Variants in CTNNA2 observed in about 807,000 individuals in gnomAD.
The protein encoded by CTNNA2 is catenin alpha-2.
Under a neutral mutation model 101.0 loss-of-function variants are expected in CTNNA2, and 42 were observed. The observed-to-expected ratio is 0.42, with a 90% CI of 0.32 to 0.54. The LOEUF (loss-of-function observed/expected upper bound fraction) is 0.54. Among genes scored for constraint, CTNNA2 ranks in the 20% least tolerant of loss-of-function variants. The probability of loss-of-function intolerance (pLI) is 0.14; values close to 1 mark genes in which losing one functional copy is unlikely to be tolerated. For synonymous variants in CTNNA2, 450 were observed against 456.4 expected (o/e 0.99, Z 0.18); for missense variants, 871 against 1,223.1 (o/e 0.71, Z 4.29).
At chr2:80,013,339 G>A (rs1392069104) in intron 7 of CTNNA2, among the ~76,000 whole-genome samples, 1 of 151,958 alleles carries the variant, frequency 6.6e-6, no homozygotes, top group Non-Finnish European at 1.5e-5. Context: ...ATTCAAAACA[G>A]GAATATAACA....
intron 12 of CTNNA2, among the ~76,000 whole-genome samples, chr2:80,568,566 C>CGT (rs36104924): frequency 0.022 from 3,287 of 149,396 alleles, 43 homozygotes; most frequent in South Asian, 0.053. Flanking sequence ...TAATGGTGTG[C>CGT]GTGTGTGTGT....
chr2:80,407,624 C>T (rs1318071751), intron 8 of CTNNA2, among the ~76,000 whole-genome samples: 2 of 152,212 alleles, frequency 1.3e-5, no homozygotes, highest in Non-Finnish European at 2.9e-5. Context: ...GTAAACCTAG[C>T]TTGAGATAAG....
chr2:79,424,122 G>A (rs1678568515), intron 4 of CTNNA2, among the ~76,000 whole-genome samples: 1 of 152,094 alleles, frequency 6.6e-6, no homozygotes, highest in South Asian at 2.1e-4. Flanking sequence ...GATCATGGGC[G>A]GTGAGGGACC....
chr2:80,166,219 A>G (rs1452893248), intron 7 of CTNNA2, among the ~76,000 whole-genome samples: 2 of 152,150 alleles, frequency 1.3e-5, no homozygotes, highest in African/African-American at 4.8e-5. Context: ...AGTTTAGTTT[A>G]TGCTAAGGAA....
chr2:79,406,215 AG>A (rs1678340443), intron 4 of CTNNA2, among the ~76,000 whole-genome samples: 1 of 152,082 alleles, frequency 6.6e-6, no homozygotes, highest in South Asian at 2.1e-4. Context: ...TGGCATCTGA[AG>A]CTCTCAGCTT....
At chr2:79,296,012 A>G (rs1208020549) in intron 2 of CTNNA2, among the ~76,000 whole-genome samples, 1 of 132,980 alleles carries the variant, frequency 7.5e-6, no homozygotes, top group Admixed American at 7.3e-5. Context: ...GAAATTTTGT[A>G]TTCTCTTCTT....
chr2:79,630,532 T>A (rs958081058), intron 1 of CTNNA2, among the ~76,000 whole-genome samples: 2 of 152,204 alleles, frequency 1.3e-5, no homozygotes, highest in African/African-American at 4.8e-5. Context: ...TGGTCCCAAT[T>A]ATAAAGAAAA....
intron 2 of CTNNA2, among the ~76,000 whole-genome samples, chr2:79,228,815 A>C (rs1674454226): frequency 6.6e-6 from 1 of 152,102 alleles, no homozygotes; most frequent in African/African-American, 2.4e-5. Flanking sequence ...CTTAGCCATA[A>C]ATTCTTTGAC....
At chr2:79,265,760 T>G (rs1674979134) in intron 2 of CTNNA2, among the ~76,000 whole-genome samples, 1 of 152,194 alleles carries the variant, frequency 6.6e-6, no homozygotes, top group Non-Finnish European at 1.5e-5. Context: ...TATTTGTTTG[T>G]GTATAATTAT....
chr2:79,452,426 T>C (rs960329043), intron 4 of CTNNA2, among the ~76,000 whole-genome samples: 1 of 151,324 alleles, frequency 6.6e-6, no homozygotes, highest in Non-Finnish European at 1.5e-5. Flanking sequence ...TTCATAGCGT[T>C]TCCTGCAAAG....
chr2:79,632,657 G>A (rs897666983), intron 1 of CTNNA2, among the ~76,000 whole-genome samples: 1 of 152,206 alleles, frequency 6.6e-6, no homozygotes, highest in African/African-American at 2.4e-5. Context: ...GGTATTTTGA[G>A]TGAGAATATC....
At chr2:79,590,795 G>C (rs1020681190) in intron 1 of CTNNA2, among the ~76,000 whole-genome samples, 2 of 152,078 alleles carry the variant, frequency 1.3e-5, no homozygotes, top group African/African-American at 4.8e-5. Flanking sequence ...CTTATCTGAT[G>C]AGAAAACAGC....
At chr2:79,811,197 C>G (rs1038181967) in intron 3 of CTNNA2, among the ~76,000 whole-genome samples, 2 of 151,988 alleles carry the variant, frequency 1.3e-5, no homozygotes, top group Non-Finnish European at 2.9e-5. Flanking sequence ...CTGTTGTTTC[C>G]TGACTTTTTA....
intron 9 of CTNNA2, among the ~76,000 whole-genome samples, chr2:80,542,031 C>A (rs949340010): frequency 6.6e-6 from 1 of 151,220 alleles, no homozygotes; most frequent in African/African-American, 2.4e-5. Flanking sequence ...ATTTCCCCAA[C>A]CCCAGATAAT....
chr2:80,139,392 T>C (rs1702872845), intron 7 of CTNNA2, among the ~76,000 whole-genome samples: 2 of 152,168 alleles, frequency 1.3e-5, no homozygotes. Context: ...CTCTGTTGTC[T>C]CTGCTCCCTC....
chr2:79,647,572 C>G (rs1033021682), intron 1 of CTNNA2, among the ~76,000 whole-genome samples: 1 of 152,010 alleles, frequency 6.6e-6, no homozygotes, highest in Non-Finnish European at 1.5e-5. Flanking sequence ...AGAGTGTGAT[C>G]TCTGCCGAGA....
intron 2 of CTNNA2, among the ~76,000 whole-genome samples, chr2:79,280,735 T>C (rs58740041): frequency 2.7e-4 from 40 of 150,200 alleles, no homozygotes; most frequent in African/African-American, 9.3e-4. Context: ...GGATGTGTTC[T>C]TTGCCATCCA....
At chr2:80,211,037 TC>T (rs1416953029) in intron 7 of CTNNA2, among the ~76,000 whole-genome samples, 1 of 152,228 alleles carries the variant, frequency 6.6e-6, no homozygotes, top group Admixed American at 6.5e-5. Context: ...TCTGTTCATA[TC>T]CTTTGCCCAC....
chr2:80,280,498 T>G (rs1341517505), intron 7 of CTNNA2, among the ~76,000 whole-genome samples: 2 of 151,738 alleles, frequency 1.3e-5, no homozygotes, highest in Non-Finnish European at 2.9e-5. Flanking sequence ...GCACTCAGCT[T>G]ATGGGTGGGA....
Sources: gnomAD v4.1 joint callset for allele counts (sites outside exome capture counted in the v4.1 genomes callset) on GRCh38, gnomAD v4.1.1 for gene constraint, MANE v1.5 for transcripts, NCBI Gene and HGNC (gene_info 2026-07-23, HGNC 2026-07-21) for gene names.